APH1B: variants seen among roughly 807,000 people sequenced by gnomAD.
APH1B encodes the protein aph-1B gamma-secretase subunit.
In APH1B, 27 loss-of-function variants were observed where a neutral mutation model predicts 28.2. The ratio of observed to expected loss-of-function variants is 0.96; its 90% CI spans 0.70 to 1.32. The LOEUF (loss-of-function observed/expected upper bound fraction) is 1.32. APH1B is among the 40% of genes most tolerant of loss of function. The pLI is 0.00. For missense variants in APH1B, 305 were observed against 313.6 expected (o/e 0.97, Z 0.21); for synonymous variants, 141 against 124.6 (o/e 1.13, Z -0.88).
chr15:63,287,512 T>C lies in APH1B; in HGVS notation c.444T>C (p.Ile148=), dbSNP rs374979551. 1.4e-5 allele frequency: 22 copies of C among 1,613,980 alleles called. No homozygotes were observed. The highest frequency in any genetic ancestry group is 1.3e-4 in the East Asian group (6 of 44,890). The part of the protein sequence containing the change: ...SDSLGPGTVG[I]HGDSPQFFLY... Reference sequence around the variant, plus strand: ...CCTTGGGGCCAGGCACAGTGGGCATTCATGGAGATTCTCCTCAATTCTTCC... The same window carrying C: ...CCTTGGGGCCAGGCACAGTGGGCATCCATGGAGATTCTCCTCAATTCTTCC... The change falls in exon 4 of 6, where the codon ATT becomes ATC. Residue 148 remains isoleucine (I), a synonymous_variant. Transcript: ENST00000261879.
At chr15:63,293,312 C>T (rs534560489) in intron 4 of APH1B, among the ~76,000 whole-genome samples, 8 of 150,940 alleles carry the variant, frequency 5.3e-5, no homozygotes, top group Admixed American at 1.3e-4. Flanking sequence ...CTACAGGCGC[C>T]TGCCACCACG....
At chr15:63,295,270 A>T (rs1567030865) in intron 4 of APH1B, among the ~76,000 whole-genome samples, 1 of 152,212 alleles carries the variant, frequency 6.6e-6, no homozygotes, top group Admixed American at 6.5e-5. Context: ...ATAGAAAGTA[A>T]TAGAATCCCG....
At chr15:63,293,812 T>A (rs2152597949) in intron 4 of APH1B, among the ~76,000 whole-genome samples, 1 of 152,334 alleles carries the variant, frequency 6.6e-6, no homozygotes, top group Non-Finnish European at 1.5e-5. Context: ...TCACCTAGGC[T>A]GGAGTGGAGT....
intron 4 of APH1B, among the ~76,000 whole-genome samples, chr15:63,298,499 T>C (rs539049708): frequency 9.9e-5 from 15 of 152,262 alleles, no homozygotes; most frequent in African/African-American, 3.6e-4. Flanking sequence ...AGTAAGCCAC[T>C]GTGCCTGGCC....
rs2038692030 is a variant in APH1B at position 63,306,803 on chromosome 15, CACTT to C, written c.*1023_*1026del. ...TCATTTGCTCCTGTGATACTAACAA[CACTT>C]TCACCCAAATGGCTTAATGTAATAT... On this transcript the variant is annotated 3_prime_UTR_variant, in exon 6 of 6. Transcript: ENST00000261879. The C allele has an allele frequency of 6.6e-6, 1 of 152,220 alleles. No individual in the cohort carries two copies. Among genetic ancestry groups the C allele is most frequent in the Non-Finnish European group, 1.5e-5 (1 of 68,056 alleles). The allele number at this position is 152,220 out of a possible 1,614,324, so 9.4% of individuals were successfully genotyped here.
At chr15:63,288,381 T>C (rs2152595549) in intron 4 of APH1B, among the ~76,000 whole-genome samples, 1 of 152,274 alleles carries the variant, frequency 6.6e-6, no homozygotes, top group East Asian at 1.9e-4. Context: ...ATTTCTGCAG[T>C]AGTTTAGAGG....
At chr15:63,301,080 G>A (rs1050245324) in intron 4 of APH1B, among the ~76,000 whole-genome samples, 2 of 152,226 alleles carry the variant, frequency 1.3e-5, no homozygotes, top group Non-Finnish European at 2.9e-5. Context: ...AACACGGATT[G>A]CTGGGCTCCC....
chr15:63,285,094 A>G (rs1299249668), intron 2 of APH1B, among the ~76,000 whole-genome samples: 1 of 152,226 alleles, frequency 6.6e-6, no homozygotes, highest in Non-Finnish European at 1.5e-5. Flanking sequence ...TCATGTCCTC[A>G]CTACCAAATG....
intron 4 of APH1B, among the ~76,000 whole-genome samples, chr15:63,293,927 T>C (rs1461899619): frequency 6.6e-6 from 1 of 151,670 alleles, no homozygotes; most frequent in African/African-American, 2.4e-5. Flanking sequence ...TAAACTCAGC[T>C]AATTTTTTTT....
chr15:63,293,133 A>G (rs2038523093), intron 4 of APH1B, among the ~76,000 whole-genome samples: 2 of 150,836 alleles, frequency 1.3e-5, no homozygotes, highest in South Asian at 4.2e-4. Flanking sequence ...TGCTGCCTTT[A>G]TTTTTAGTTA....
At chr15:63,302,281 G>A (rs979231258) in intron 4 of APH1B, 64 bp from the exon 5 acceptor site, 2 of 1,589,984 alleles carry the variant, frequency 1.3e-6, no homozygotes, top group East Asian at 4.5e-5. Context: ...CCCGTGCACA[G>A]TGCCAGGGTC....
chr15:63,292,929 C>T (rs17829848), intron 4 of APH1B, among the ~76,000 whole-genome samples: 9,862 of 152,174 alleles, frequency 0.065, 438 homozygotes, highest in Middle Eastern at 0.15. Flanking sequence ...ACATGGGCTG[C>T]GGCTGTAAGA....
rs768885604 is a variant in APH1B, at chr15:63,287,481, C to A, written c.413C>A (p.Ser138Tyr). Residue 138 changes from serine to tyrosine, a missense_variant, in exon 4 of 6, where the codon TCT becomes TAT. Physicochemically the swap from Ser to Tyr is moderately radical, Grantham distance 144 (BLOSUM62 -2). Coordinates refer to ENST00000261879, the MANE Select transcript of APH1B (RefSeq NM_031301.4). The part of the protein sequence containing the change: ...SGVFSFVNTL[S>Y]DSLGPGTVGI... ...GTATTTTCCTTTGTGAATACCCTATCTGACTCCTTGGGGCCAGGCACAGTG... is the reference window on the plus strand; with the variant it reads ...GTATTTTCCTTTGTGAATACCCTATATGACTCCTTGGGGCCAGGCACAGTG... 2.5e-6 allele frequency: 4 copies of A among 1,614,096 alleles called. No individual in the cohort carries two copies. Among genetic ancestry groups the A allele is most frequent in the Non-Finnish European group, 2.5e-6 (3 of 1,179,950 alleles).
chr15:63,277,866 G>C (rs368854047), intron 1 of APH1B, 130 bp downstream of exon 1: 2 of 902,990 alleles, frequency 2.2e-6, no homozygotes, highest in Non-Finnish European at 3.2e-6. Flanking sequence ...GGTTGAGAGG[G>C]GGAGAGCGGA....
chr15:63,293,120 C>G (rs979108081), intron 4 of APH1B, among the ~76,000 whole-genome samples: 1 of 152,038 alleles, frequency 6.6e-6, no homozygotes, highest in African/African-American at 2.4e-5. Context: ...TTTCGTCAGC[C>G]ACTGCTGCCT....
intron 4 of APH1B, among the ~76,000 whole-genome samples, chr15:63,289,774 A>G (rs991837460): frequency 5.9e-5 from 9 of 152,226 alleles, no homozygotes; most frequent in African/African-American, 2.2e-4. Flanking sequence ...AAGCCAAGGC[A>G]GGAGAATCAC....
At chr15:63,286,781 G>C (rs1236129438) in intron 3 of APH1B, among the ~76,000 whole-genome samples, 153 bp downstream of exon 3, 1 of 152,128 alleles carries the variant, frequency 6.6e-6, no homozygotes, top group African/African-American at 2.4e-5. Context: ...CCGTCTTCCA[G>C]GTTCCTTTTG....
intron 4 of APH1B, among the ~76,000 whole-genome samples, chr15:63,300,973 T>C (rs2038621265): frequency 6.6e-6 from 1 of 152,236 alleles, no homozygotes; most frequent in Non-Finnish European, 1.5e-5. Flanking sequence ...AGTGCTGACT[T>C]AAACTTATAT....
rs372131973 is a variant in APH1B at position 63,277,607 on chromosome 15, C to T, written c.-17C>T. The T allele has an allele frequency of 1.9e-5, 26 of 1,385,562 alleles. No homozygotes were observed. The African/African-American group carries it at 3.1e-4, about 16-fold the overall frequency. 85.8% of individuals were successfully genotyped at this position (1,385,562 alleles called of 1,614,324 possible). A position where few individuals can be genotyped will look rare whatever the true frequency, so the allele number is the denominator to read the frequency against. On this transcript the variant is annotated 5_prime_UTR_variant, in exon 1 of 6. Transcript: ENST00000261879. Reference sequence around the variant, plus strand: ...TCGCGTCCCCAACGGGCCCCCGGGTCGGTTTCCGCGGTGGCCATGACTGCG... The same window carrying T: ...TCGCGTCCCCAACGGGCCCCCGGGTTGGTTTCCGCGGTGGCCATGACTGCG...
Sources: allele counts gnomAD v4.1 joint callset (sites outside exome capture counted in the v4.1 genomes callset), GRCh38; gene constraint gnomAD v4.1.1; transcripts MANE v1.5; gene names NCBI Gene and HGNC (gene_info 2026-07-23, HGNC 2026-07-21).